The following SOX5 variants were observed in gnomAD, a reference collection of about 807,000 sequenced individuals.
The protein encoded by SOX5 is SRY-box transcription factor 5, also known as transcription factor SOX-5.
A neutral mutation model predicts 92.0 loss-of-function variants in SOX5; 9 were observed. The observed-to-expected ratio is 0.10, with a 90% CI of 0.06 to 0.17. The LOEUF is 0.17. Among genes scored for constraint, SOX5 ranks in the 10% least tolerant of loss-of-function variants. SOX5 has a pLI of 1.00. For synonymous variants in SOX5, 344 were observed against 336.3 expected, an observed-to-expected ratio of 1.02 and a Z score of -0.25; for missense variants, 642 against 944.5, an observed-to-expected ratio of 0.68 and a Z score of 4.20.
intron 7 of SOX5, among the ~76,000 whole-genome samples, chr12:23,642,324 A>G (rs1257925202): frequency 1.3e-5 from 2 of 152,212 alleles, no homozygotes; most frequent in Non-Finnish European, 2.9e-5. Context: ...AGATAATTAA[A>G]TGATTAGTAT....
chr12:24,141,181 G>A (rs1469973132), intron 4 of SOX5, among the ~76,000 whole-genome samples: 1 of 152,052 alleles, frequency 6.6e-6, no homozygotes, highest in Non-Finnish European at 1.5e-5. Flanking sequence ...AGGTATATAT[G>A]GAATGTTTTT....
chr12:23,905,489 G>T (rs2138146707), intron 1 of SOX5, among the ~76,000 whole-genome samples: 1 of 152,256 alleles, frequency 6.6e-6, no homozygotes, highest in East Asian at 1.9e-4. Flanking sequence ...AAGTATATCT[G>T]CCAGTTAAAA....
intron 2 of SOX5, among the ~76,000 whole-genome samples, chr12:24,358,851 A>G (rs1425972097): frequency 6.6e-6 from 1 of 152,212 alleles, no homozygotes; most frequent in African/African-American, 2.4e-5. Context: ...TATCTAAAAT[A>G]ATATTTGCTA....
chr12:24,474,980 AG>A (rs1428332836), intron 1 of SOX5, among the ~76,000 whole-genome samples: 1 of 152,062 alleles, frequency 6.6e-6, no homozygotes, highest in African/African-American at 2.4e-5. Flanking sequence ...CCTCCTGAGT[AG>A]CTGGGATTAC....
At chr12:24,131,795 G>A (rs17409103) in intron 4 of SOX5, among the ~76,000 whole-genome samples, 7,802 of 152,068 alleles carry the variant, frequency 0.051, 252 homozygotes, top group Middle Eastern at 0.088. Context: ...AGAAAAGAGG[G>A]GTACACATCT....
chr12:24,099,748 C>T (rs1945857769), intron 4 of SOX5, among the ~76,000 whole-genome samples: 1 of 152,124 alleles, frequency 6.6e-6, no homozygotes, highest in South Asian at 2.1e-4. Context: ...ATTAAGTTTA[C>T]TCACGGATGT....
Position 23,928,473 on chromosome 12 carries a change from C to T in SOX5, c.38+21091G>A, listed in dbSNP as rs150776778. 5.7e-3 allele frequency among the ~76,000 whole-genome samples: 866 copies of T among 151,902 alleles called. 23 individuals are homozygous for T. Among genetic ancestry groups the T allele is most frequent in the Admixed American group, 0.037 (566 of 15,234 alleles). On this transcript the variant is annotated intron_variant, in intron 1 of 14. Coordinates refer to ENST00000451604, the MANE Select transcript of SOX5 (RefSeq NM_006940.6). The stretch of plus-strand genomic sequence containing the variant: ...ACCTAATGCCTTTAGTATCATTAGA[C>T]GTATGAATTTCTAAGCATATAAAAA...
At chr12:24,179,774 GC>G (rs528110519) in intron 4 of SOX5, among the ~76,000 whole-genome samples, 5 of 152,182 alleles carry the variant, frequency 3.3e-5, no homozygotes, top group Non-Finnish European at 7.4e-5. Context: ...TGTATTAAAT[GC>G]TTTTTCAATT....
At chr12:24,115,198 C>A (rs1207522807) in intron 4 of SOX5, among the ~76,000 whole-genome samples, 1 of 152,058 alleles carries the variant, frequency 6.6e-6, no homozygotes, top group Non-Finnish European at 1.5e-5. Flanking sequence ...CTTAAAACAA[C>A]CCACAGATTA....
chr12:24,053,914 T>C (rs1299708819), intron 4 of SOX5, among the ~76,000 whole-genome samples: 2 of 152,214 alleles, frequency 1.3e-5, no homozygotes, highest in African/African-American at 2.4e-5. Context: ...AGGAAACTGA[T>C]ATGCAGGGAG....
At chr12:24,487,363 T>C (rs533224751) in intron 1 of SOX5, among the ~76,000 whole-genome samples, 14 of 152,270 alleles carry the variant, frequency 9.2e-5, no homozygotes, top group Non-Finnish European at 1.8e-4. Flanking sequence ...AAAATGTTTC[T>C]TTATAAGTTT....
chr12:23,577,191 A>ATATATATAT (rs71059907), intron 9 of SOX5, among the ~76,000 whole-genome samples: 12 of 61,406 alleles, frequency 2.0e-4, no homozygotes, highest in African/African-American at 2.3e-4. Context: ...ATATATATAT[A>ATATATATAT]TTTTTTTTTT....
At chr12:24,508,284 G>GA (rs1948990993) in intron 1 of SOX5, among the ~76,000 whole-genome samples, 1 of 152,220 alleles carries the variant, frequency 6.6e-6, no homozygotes, top group South Asian at 2.1e-4. Flanking sequence ...GAAGCCTACT[G>GA]AAAAAACTGC....
intron 2 of SOX5, among the ~76,000 whole-genome samples, chr12:23,869,246 C>G (rs1051729154): frequency 5.9e-5 from 9 of 152,046 alleles, no homozygotes; most frequent in Non-Finnish European, 8.8e-5. Flanking sequence ...CCTAGTGTTC[C>G]ACACACATAC....
At chr12:23,800,772 T>G (rs527824986) in intron 3 of SOX5, among the ~76,000 whole-genome samples, 85 of 152,286 alleles carry the variant, frequency 5.6e-4, no homozygotes, top group Non-Finnish European at 1.2e-3. Context: ...AGGTATATCA[T>G]GAAATAAACC....
chr12:24,073,180 A>T (rs531788175), intron 4 of SOX5, among the ~76,000 whole-genome samples: 68 of 152,354 alleles, frequency 4.5e-4, no homozygotes, highest in Admixed American at 1.2e-3. Flanking sequence ...GCTGTTTTTC[A>T]TCAAGGATTG....
At chr12:24,431,128 C>CTA (rs1196584882) in intron 1 of SOX5, among the ~76,000 whole-genome samples, 8 of 152,158 alleles carry the variant, frequency 5.3e-5, no homozygotes, top group African/African-American at 1.9e-4. Context: ...ATATGTCTGT[C>CTA]TATATCTATA....
At chr12:23,870,713 C>A (rs2096863297) in intron 2 of SOX5, among the ~76,000 whole-genome samples, 1 of 152,092 alleles carries the variant, frequency 6.6e-6, no homozygotes, top group African/African-American at 2.4e-5. Flanking sequence ...CACATAAAAA[C>A]AAATCTTGGT....
chr12:24,093,129 C>T (rs952888909), intron 4 of SOX5, among the ~76,000 whole-genome samples: 4 of 152,152 alleles, frequency 2.6e-5, no homozygotes, highest in African/African-American at 9.7e-5. Flanking sequence ...ATCAAAAATG[C>T]TAACTTGATA....
Sources: gnomAD v4.1 joint callset for allele counts (sites outside exome capture counted in the v4.1 genomes callset) on GRCh38, gnomAD v4.1.1 for gene constraint, MANE v1.5 for transcripts, NCBI Gene and HGNC (gene_info 2026-07-23, HGNC 2026-07-21) for gene names.